The following PTBP3 variants were observed in gnomAD, a reference collection of about 807,000 sequenced individuals.
The protein encoded by PTBP3 is polypyrimidine tract-binding protein 3.
In PTBP3, 20 loss-of-function variants were observed where a neutral mutation model predicts 58.7. The observed-to-expected ratio is 0.34, with a 90% confidence interval of 0.24 to 0.50. The LOEUF (loss-of-function observed/expected upper bound fraction) is 0.50, where lower values mean the gene tolerates loss of function less well. Ranked by LOEUF, PTBP3 falls within the 20% of genes least tolerant of loss-of-function variation. PTBP3 has a pLI of 0.98. For synonymous variants in PTBP3, 185 were observed against 219.8 expected, an observed-to-expected ratio of 0.84 and a Z score of 1.40; for missense variants, 509 against 637.2, an observed-to-expected ratio of 0.80 and a Z score of 2.17.
At chr9:112,254,521 G>C (rs755281549) in intron 5 of PTBP3, among the ~76,000 whole-genome samples, 12 of 152,124 alleles carry the variant, frequency 7.9e-5, no homozygotes, top group Admixed American at 3.3e-4. Context: ...AAGAACTCAT[G>C]CAACTCAACG....
intron 2 of PTBP3, chr9:112,281,393 T>C (rs1453652925): frequency 1.3e-5 from 2 of 152,380 alleles, no homozygotes; most frequent in Admixed American, 1.3e-4. Context: ...ATTTACTAAA[T>C]GCTTGTCCTG....
the PTBP3 span, among the ~76,000 whole-genome samples, chr9:112,379,187 C>A: frequency 1.3e-5 from 2 of 152,164 alleles, no homozygotes; most frequent in African/African-American, 4.8e-5. Flanking sequence ...GACTCCGTCT[C>A]AAAAAACAAA....
At chr9:112,319,090 G>C (rs1829817616) in intron 1 of PTBP3, among the ~76,000 whole-genome samples, 1 of 140,942 alleles carries the variant, frequency 7.1e-6, no homozygotes, top group East Asian at 2.1e-4. Flanking sequence ...TCATGCCATT[G>C]CACTCCAGCC....
At chr9:112,362,001 T>TTA in the PTBP3 span, among the ~76,000 whole-genome samples, 1 of 152,228 alleles carries the variant, frequency 6.6e-6, no homozygotes, top group African/African-American at 2.4e-5. Flanking sequence ...CTATTGAGCA[T>TTA]CTTTTCATGT....
intron 5 of PTBP3, among the ~76,000 whole-genome samples, chr9:112,256,254 C>CA (rs371551973): frequency 0.54 from 54,684 of 101,518 alleles, 13,454 homozygotes; most frequent in African/African-American, 0.62. Context: ...AACTCCGTCT[C>CA]AAAAAAAAAA....
intron 10 of PTBP3, 123 bp downstream of exon 10, chr9:112,231,257 G>T (rs776402199): frequency 3.0e-6 from 2 of 670,886 alleles, no homozygotes; most frequent in Non-Finnish European, 4.6e-6. Context: ...CTTATTCACT[G>T]TTTTATCCTC....
rs1265773927 is a variant in PTBP3, at chr9:112,316,971, C to CA, written c.-52+16498dup. On this transcript the variant is annotated intron_variant, in intron 1 of 13. Transcript: ENST00000374257. ...TGGGCGACAAAGTGAGACACCATCT[C>CA]AAAAAAAAAAAAACAGTAAAGAAAA... 8.5e-3 allele frequency among the ~76,000 whole-genome samples: 893 copies of CA among 104,528 alleles called. 3 individuals carry two copies. Among genetic ancestry groups the CA allele is most frequent in the Non-Finnish European group, 9.4e-3 (478 of 50,830 alleles). The allele number at this position is 104,528 out of a possible 152,430, so 68.6% of individuals were successfully genotyped here.
the PTBP3 span, among the ~76,000 whole-genome samples, chr9:112,348,745 T>C: frequency 6.6e-6 from 1 of 152,258 alleles, no homozygotes; most frequent in Non-Finnish European, 1.5e-5. Flanking sequence ...TCTCTCCCTA[T>C]GCCTTATGCC....
At chr9:112,309,773 G>C (rs957373620) in intron 1 of PTBP3, among the ~76,000 whole-genome samples, 5 of 149,858 alleles carry the variant, frequency 3.3e-5, no homozygotes, top group Non-Finnish European at 7.4e-5. Flanking sequence ...GGGCGACAGA[G>C]AGAGACTCCG....
intron 2 of PTBP3, among the ~76,000 whole-genome samples, chr9:112,282,891 G>A (rs1827938094): frequency 6.6e-6 from 1 of 152,100 alleles, no homozygotes; most frequent in East Asian, 1.9e-4. Flanking sequence ...GACCTGGTGG[G>A]AGGTGACTGG....
At chr9:112,368,420 C>A in the PTBP3 span, among the ~76,000 whole-genome samples, 4 of 152,234 alleles carry the variant, frequency 2.6e-5, no homozygotes, top group African/African-American at 9.6e-5. Flanking sequence ...ATCCACCCAC[C>A]TTGGCCTCCC....
chr9:112,231,531 C>T (rs1173665203), intron 9 of PTBP3, 118 bp from the exon 10 acceptor site: 5 of 747,904 alleles, frequency 6.7e-6, no homozygotes, highest in Non-Finnish European at 1.1e-5. Flanking sequence ...TATGCTTCTT[C>T]CGTATATACT....
chr9:112,290,036 A>G (rs1299166247), intron 2 of PTBP3, among the ~76,000 whole-genome samples: 2 of 152,228 alleles, frequency 1.3e-5, no homozygotes, highest in African/African-American at 4.8e-5. Flanking sequence ...TAAGATGCAA[A>G]AAATGGTAGC....
At chr9:112,320,264 C>T (rs766381168) in intron 1 of PTBP3, among the ~76,000 whole-genome samples, 6 of 93,180 alleles carry the variant, frequency 6.4e-5, no homozygotes, top group Non-Finnish European at 1.2e-4. Flanking sequence ...GGCAACAGGA[C>T]GAGACCCTTT....
chr9:112,309,205 T>C (rs1327317356), intron 1 of PTBP3, among the ~76,000 whole-genome samples: 1 of 152,206 alleles, frequency 6.6e-6, no homozygotes, highest in East Asian at 1.9e-4. Context: ...TAGACCTTTT[T>C]TTTTTAAATT....
chr9:112,306,366 A>G (rs1829209758), intron 1 of PTBP3, among the ~76,000 whole-genome samples: 1 of 150,034 alleles, frequency 6.7e-6, no homozygotes, highest in Non-Finnish European at 1.5e-5. Flanking sequence ...GGGTTTCACC[A>G]TGTTGCCCAA....
chr9:112,317,240 A>T lies in PTBP3; in HGVS notation c.-52+16230T>A, dbSNP rs189312919. Among the ~76,000 whole-genome samples the T allele has an allele frequency of 1.7e-3, 252 of 150,848 alleles. 1 individual carries two copies. The highest frequency in any genetic ancestry group is 4.6e-3 in the South Asian group (22 of 4,748). On this transcript the variant is annotated intron_variant, in intron 1 of 13. Transcript: ENST00000374257. Reference sequence around the variant, plus strand: ...AGCCTGGGCAACACAGTGAGACCCCATATCCAAAAAAAAAGAAAAAAAAGA... The same window carrying T: ...AGCCTGGGCAACACAGTGAGACCCCTTATCCAAAAAAAAAGAAAAAAAAGA...
the PTBP3 span, among the ~76,000 whole-genome samples, chr9:112,341,316 G>C: frequency 6.6e-6 from 1 of 152,032 alleles, no homozygotes; most frequent in Non-Finnish European, 1.5e-5. Flanking sequence ...ATTTTTAGTA[G>C]AGATGGTGTT....
intron 10 of PTBP3, among the ~76,000 whole-genome samples, chr9:112,230,963 T>TGTAGACAATAATAAA (rs547407546): frequency 1.3e-5 from 2 of 151,282 alleles, no homozygotes; most frequent in African/African-American, 2.5e-5. Context: ...ATTTTGACCC[T>TGTAGACAATAATAAA]ACGCAGCTGT....
Sources: allele counts gnomAD v4.1 joint callset (sites outside exome capture counted in the v4.1 genomes callset), GRCh38; gene constraint gnomAD v4.1.1; transcripts MANE v1.5; gene names NCBI Gene and HGNC (gene_info 2026-07-23, HGNC 2026-07-21).